Variants in SND1 observed in about 807,000 individuals in gnomAD.
SND1 encodes staphylococcal nuclease domain-containing protein 1.
In SND1, 38 loss-of-function variants were observed where a neutral mutation model predicts 121.7. That is an observed-to-expected ratio of 0.31 (90% CI 0.24 to 0.41). The LOEUF (loss-of-function observed/expected upper bound fraction) is 0.41, where lower values mean the gene tolerates loss of function less well. SND1 is among the 10% of genes least tolerant of loss of function. SND1 has a pLI of 1.00. For missense variants in SND1, 868 were observed against 1,184.6 expected, an observed-to-expected ratio of 0.73 and a Z score of 3.92; for synonymous variants, 401 against 447.4, an observed-to-expected ratio of 0.90 and a Z score of 1.31.
rs184202282 is a variant in SND1, at chr7:127,914,253, C to T, written c.1527+9434C>T. 1.7e-3 allele frequency among the ~76,000 whole-genome samples: 252 copies of T among 152,316 alleles called. 1 individual carries two copies. The highest frequency in any genetic ancestry group is 1.4e-3 in the Admixed American group (22 of 15,298). Reference sequence around the variant, plus strand: ...TTTCTTTAGATCATATTCATCTCCTCCACTACTTAAGGTCCTCAGTTGACT... The same window carrying T: ...TTTCTTTAGATCATATTCATCTCCTTCACTACTTAAGGTCCTCAGTTGACT... On this transcript the variant is annotated intron_variant, in intron 14 of 23. Transcript: ENST00000354725.
rs189054767 is a variant in SND1 at position 127,861,533 on chromosome 7, G to A, written c.1343+17109G>A. ...TCTGTTGCCTAGGCTGGAATGCAGT[G>A]GCGCTGTCTTGGCTCACTGCAACCT... On this transcript the variant is annotated intron_variant, in intron 12 of 23. Transcript: ENST00000354725. Among the ~76,000 whole-genome samples, 39 of 152,284 alleles carry A rather than the reference G, an allele frequency of 2.6e-4. 2 individuals are homozygous for A. The highest frequency in any genetic ancestry group is 9.4e-4 in the African/African-American group (39 of 41,550).
intron 14 of SND1, among the ~76,000 whole-genome samples, chr7:127,911,274 A>G (rs1244526346): frequency 1.3e-5 from 2 of 152,252 alleles, no homozygotes; most frequent in Non-Finnish European, 2.9e-5. Context: ...ACAACCTCTG[A>G]TGCCAAAGTG....
intron 12 of SND1, among the ~76,000 whole-genome samples, chr7:127,867,774 AAC>A (rs745577001): frequency 6.6e-6 from 1 of 151,994 alleles, no homozygotes; most frequent in African/African-American, 2.4e-5. Context: ...CTCTTTTTGA[AAC>A]ACACATCTGA....
intron 17 of SND1, among the ~76,000 whole-genome samples, chr7:128,078,937 A>G (rs1398812458): frequency 2.6e-5 from 4 of 152,244 alleles, no homozygotes; most frequent in Admixed American, 1.3e-4. Flanking sequence ...CATGGGATGC[A>G]GAGCAGAGGA....
intron 1 of SND1, among the ~76,000 whole-genome samples, chr7:127,669,024 G>T (rs1398544734): frequency 6.6e-6 from 1 of 151,752 alleles, no homozygotes; most frequent in Non-Finnish European, 1.5e-5. Flanking sequence ...ACGGAGTCTT[G>T]CTCTGTTGCC....
At chr7:127,896,732 GACTCCTGTCTCT>G (rs1332879965) in intron 13 of SND1, among the ~76,000 whole-genome samples, 2 of 152,054 alleles carry the variant, frequency 1.3e-5, no homozygotes, top group East Asian at 3.9e-4. Context: ...TATTCCCCTT[GACTCCTGTCTCT>G]TTCCCCCTTC....
intron 5 of SND1, among the ~76,000 whole-genome samples, chr7:127,701,576 G>A (rs1298435718): frequency 6.7e-6 from 1 of 148,322 alleles, no homozygotes; most frequent in Non-Finnish European, 1.5e-5. Context: ...CTGGTATTTT[G>A]CACATTGATT....
chr7:127,669,592 C>T (rs934676743), intron 1 of SND1, among the ~76,000 whole-genome samples: 7 of 152,176 alleles, frequency 4.6e-5, no homozygotes, highest in Non-Finnish European at 1.0e-4. Flanking sequence ...GTCCACGAGT[C>T]TTATATTTGT....
intron 16 of SND1, among the ~76,000 whole-genome samples, chr7:128,035,561 C>T (rs1792732868): frequency 6.6e-6 from 1 of 152,240 alleles, no homozygotes. Flanking sequence ...CCTAAAGCTA[C>T]ATGACTGATT....
At chr7:128,080,052 C>T (rs1420593572) in intron 17 of SND1, among the ~76,000 whole-genome samples, 1 of 152,256 alleles carries the variant, frequency 6.6e-6, no homozygotes, top group Non-Finnish European at 1.5e-5. Context: ...CCAAGACCTA[C>T]TCAAAGGGTT....
intron 16 of SND1, among the ~76,000 whole-genome samples, chr7:128,021,381 G>A (rs73721280): frequency 0.013 from 2,019 of 152,292 alleles, 54 homozygotes; most frequent in African/African-American, 0.046. Context: ...CTGGCACTTG[G>A]CTCCTGGATG....
chr7:127,751,006 G>A lies in SND1; in HGVS notation c.1152+29606G>A, dbSNP rs184661912. Among the ~76,000 whole-genome samples the A allele has an allele frequency of 9.2e-5, 14 of 152,226 alleles. No homozygotes were observed. In the East Asian group the frequency reaches 2.7e-3, roughly 29 times the overall value. On this transcript the variant is annotated intron_variant, in intron 10 of 23. Transcript: ENST00000354725. ...GATAACCTGTATCTTGTCTGTTTTG[G>A]TGGTAGAATTTTTTTGGTTTCCTGA...
chr7:127,775,409 A>T (rs529481342), intron 10 of SND1, among the ~76,000 whole-genome samples: 21 of 150,090 alleles, frequency 1.4e-4, no homozygotes, highest in African/African-American at 3.9e-4. Flanking sequence ...CAAATATAAT[A>T]AAAAAAACAC....
chr7:127,895,809 T>G (rs968076884), intron 13 of SND1, among the ~76,000 whole-genome samples: 3 of 152,128 alleles, frequency 2.0e-5, no homozygotes, highest in Admixed American at 2.0e-4. Context: ...AGCTGTATGA[T>G]GTCTCCATTT....
At chr7:127,707,477 T>G in intron 8 of SND1, 80 bp from the exon 9 acceptor site, 1 of 1,084,688 alleles carries the variant, frequency 9.2e-7, no homozygotes. Context: ...AGTAGGATGC[T>G]GCACCAACTG....
intron 14 of SND1, among the ~76,000 whole-genome samples, chr7:127,916,905 T>A (rs1800591123): frequency 6.6e-6 from 1 of 152,010 alleles, no homozygotes; most frequent in Admixed American, 6.6e-5. Context: ...TTTTTAGGAG[T>A]TTCGTAACAA....
At chr7:127,711,697 C>G (rs1439613389) in intron 9 of SND1, among the ~76,000 whole-genome samples, 2 of 151,902 alleles carry the variant, frequency 1.3e-5, no homozygotes, top group Non-Finnish European at 2.9e-5. Flanking sequence ...TTTTCTAGAA[C>G]TCCTATTATT....
intron 11 of SND1, 59 bp from the exon 12 acceptor site, chr7:127,844,265 C>G: frequency 7.4e-7 from 1 of 1,355,310 alleles, no homozygotes; most frequent in Non-Finnish European, 1.0e-6. Context: ...GCACATGTGG[C>G]TGCTAGTGAG....
intron 14 of SND1, among the ~76,000 whole-genome samples, chr7:127,907,986 G>C (rs1170960309): frequency 1.3e-5 from 2 of 152,156 alleles, no homozygotes; most frequent in Non-Finnish European, 1.5e-5. Flanking sequence ...GGCTTAGAAC[G>C]TAAGATACCA....
Sources: allele counts gnomAD v4.1 joint callset (sites outside exome capture counted in the v4.1 genomes callset), GRCh38; gene constraint gnomAD v4.1.1; transcripts MANE v1.5; gene names NCBI Gene and HGNC (gene_info 2026-07-23, HGNC 2026-07-21).